Variants in HHLA2 observed in about 807,000 individuals in gnomAD.
HHLA2 encodes the protein HERV-H LTR-associating protein 2.
Under a neutral mutation model 45.9 loss-of-function variants are expected in HHLA2, and 48 were observed. The ratio of observed to expected loss-of-function variants is 1.05; its 90% CI spans 0.83 to 1.33. HHLA2 has a LOEUF of 1.33. Among genes scored for constraint, HHLA2 ranks in the 40% most tolerant of loss-of-function variants. The pLI is 0.00. For synonymous variants in HHLA2, 161 were observed against 173.9 expected, an observed-to-expected ratio of 0.93 and a Z score of 0.59; for missense variants, 462 against 494.3, an observed-to-expected ratio of 0.93 and a Z score of 0.62.
At chr3:108,371,336 T>TG (rs1358623465) in intron 8 of HHLA2, among the ~76,000 whole-genome samples, 1 of 151,808 alleles carries the variant, frequency 6.6e-6, no homozygotes, top group Non-Finnish European at 1.5e-5. Context: ...GCACTAAACA[T>TG]GGAAAAAACA....
intron 8 of HHLA2, among the ~76,000 whole-genome samples, chr3:108,370,943 C>A (rs2082159313): frequency 1.3e-5 from 2 of 152,188 alleles, no homozygotes; most frequent in African/African-American, 4.8e-5. Context: ...TCTAGCAAGG[C>A]AGGCCAACAC....
intron 3 of HHLA2, among the ~76,000 whole-genome samples, chr3:108,339,474 C>T (rs1395281172): frequency 6.6e-6 from 1 of 152,004 alleles, no homozygotes; most frequent in Non-Finnish European, 1.5e-5. Context: ...ACCTCAATGT[C>T]TTCATCTATA....
intron 7 of HHLA2, among the ~76,000 whole-genome samples, chr3:108,359,757 C>A (rs1030397729): frequency 3.3e-5 from 5 of 152,170 alleles, no homozygotes; most frequent in African/African-American, 1.2e-4. Context: ...ACCTAACATT[C>A]CTACTTAATC....
chr3:108,301,702 T>G (rs2080851723), intron 1 of HHLA2, among the ~76,000 whole-genome samples: 1 of 152,124 alleles, frequency 6.6e-6, no homozygotes, highest in South Asian at 2.1e-4. Context: ...TCTTGTAATC[T>G]TTTCTCATAA....
At chr3:108,346,119 A>AAC (rs560088867) in intron 3 of HHLA2, among the ~76,000 whole-genome samples, 4 of 77,406 alleles carry the variant, frequency 5.2e-5, no homozygotes, top group African/African-American at 1.9e-4. Context: ...CCTCCCCCAA[A>AAC]ACGTTAGCAC....
chr3:108,347,379 C>G (rs1261283184), intron 3 of HHLA2, among the ~76,000 whole-genome samples: 2 of 151,966 alleles, frequency 1.3e-5, no homozygotes, highest in Non-Finnish European at 2.9e-5. Context: ...GGCTCATGCT[C>G]ATGCTGACCC....
intron 9 of HHLA2, 89 bp from the exon 9 acceptor site, chr3:108,376,403 TA>T: frequency 1.0e-6 from 1 of 965,196 alleles, no homozygotes; most frequent in Non-Finnish European, 1.5e-6. Context: ...CAGATGATTC[TA>T]ATAACATGAT....
chr3:108,307,300 A>G (rs907632070), intron 1 of HHLA2, among the ~76,000 whole-genome samples: 4 of 152,154 alleles, frequency 2.6e-5, no homozygotes, highest in African/African-American at 9.7e-5. Context: ...TTTTTATGTT[A>G]GAATAATTTT....
intron 3 of HHLA2, among the ~76,000 whole-genome samples, chr3:108,350,016 G>T (rs2081748073): frequency 1.3e-5 from 2 of 151,856 alleles, no homozygotes; most frequent in African/African-American, 2.4e-5. Flanking sequence ...AAATTTCAAG[G>T]TTTTTTTTAA....
chr3:108,324,726 C>T (rs1490076988), intron 2 of HHLA2, among the ~76,000 whole-genome samples: 2 of 152,138 alleles, frequency 1.3e-5, no homozygotes, highest in East Asian at 3.8e-4. Context: ...TCAAATCATA[C>T]AGTAGGAGTT....
chr3:108,376,022 C>T (rs912970144), intron 9 of HHLA2, among the ~76,000 whole-genome samples: 2 of 152,142 alleles, frequency 1.3e-5, no homozygotes, highest in African/African-American at 4.8e-5. Context: ...GACTGTGGTT[C>T]ATATGTTTTA....
intron 3 of HHLA2, chr3:108,328,482 G>C: frequency 1.6e-6 from 1 of 617,514 alleles, no homozygotes; most frequent in Non-Finnish European, 2.6e-6. Flanking sequence ...GTGATTTGGA[G>C]GTGAATATTA....
chr3:108,318,282 A>G (rs530267671), intron 2 of HHLA2, among the ~76,000 whole-genome samples: 14 of 152,284 alleles, frequency 9.2e-5, no homozygotes, highest in Middle Eastern at 3.4e-3. Context: ...ATAAAGCAGA[A>G]TAGAATGGTT....
chr3:108,349,211 T>TA (rs56969431), intron 3 of HHLA2, among the ~76,000 whole-genome samples: 65 of 142,360 alleles, frequency 4.6e-4, no homozygotes, highest in Admixed American at 3.7e-3. Context: ...CTGTTTTTTT[T>TA]AAAAAAAAAA....
At chr3:108,309,086 G>A (rs1447328243) in intron 1 of HHLA2, among the ~76,000 whole-genome samples, 3 of 152,120 alleles carry the variant, frequency 2.0e-5, no homozygotes, top group Non-Finnish European at 4.4e-5. Flanking sequence ...TTTTTCCCCA[G>A]ACCAATGTCC....
At chr3:108,375,779 C>A (rs2082265609) in exon 9 of HHLA2, 1 of 1,610,956 alleles carries the variant, frequency 6.2e-7, no homozygotes, top group South Asian at 1.1e-5. Flanking sequence ...GAGCAGACAC[C>A]CTGCTGATGG....
chr3:108,361,110 A>G (rs2081977449), intron 7 of HHLA2, among the ~76,000 whole-genome samples: 1 of 152,120 alleles, frequency 6.6e-6, no homozygotes, highest in Non-Finnish European at 1.5e-5. Flanking sequence ...ACTAATTTCA[A>G]CAATTCTAGT....
chr3:108,363,310 T>C (rs533429615), intron 8 of HHLA2, among the ~76,000 whole-genome samples: 2 of 152,230 alleles, frequency 1.3e-5, no homozygotes, highest in East Asian at 3.9e-4. Context: ...TTTAGGTGGA[T>C]CATTTAATAT....
intron 1 of HHLA2, among the ~76,000 whole-genome samples, chr3:108,298,162 T>A (rs920663581): frequency 6.6e-6 from 1 of 152,230 alleles, no homozygotes; most frequent in African/African-American, 2.4e-5. Flanking sequence ...ACTTAATTTC[T>A]GGGAAGACCA....
Sources: allele counts gnomAD v4.1 joint callset (sites outside exome capture counted in the v4.1 genomes callset), GRCh38; gene constraint gnomAD v4.1.1; transcripts MANE v1.5; gene names NCBI Gene and HGNC (gene_info 2026-07-23, HGNC 2026-07-21).